DIXDC1: variants seen among roughly 807,000 people sequenced by gnomAD.
The protein encoded by DIXDC1 is dixin.
Under a neutral mutation model 103.1 loss-of-function variants are expected in DIXDC1, and 64 were observed. That is an observed-to-expected ratio of 0.62 (90% CI 0.51 to 0.76). The LOEUF (loss-of-function observed/expected upper bound fraction) is 0.76. Among genes scored for constraint, DIXDC1 ranks in the 30% least tolerant of loss-of-function variants. DIXDC1 has a pLI of 0.00. For missense variants in DIXDC1, 759 were observed against 834.2 expected (o/e 0.91, Z 1.11); for synonymous variants, 266 against 298.5 (o/e 0.89, Z 1.12).
chr11:111,945,460 G>A (rs183109913), intron 1 of DIXDC1, among the ~76,000 whole-genome samples: 4 of 152,294 alleles, frequency 2.6e-5, no homozygotes, highest in Non-Finnish European at 4.4e-5. Context: ...GCACAGAGGA[G>A]GGTTCTTAAA....
In DIXDC1 at chr11:112,019,683, T is replaced by G. The variant is rs756163422; in HGVS notation, c.*647T>G. 15 of 152,660 alleles carry G rather than the reference T, an allele frequency of 9.8e-5. No homozygotes were observed. Among genetic ancestry groups the G allele is most frequent in the Non-Finnish European group, 1.9e-4 (13 of 68,056 alleles). The allele number at this position is 152,660 out of a possible 1,614,324, so 9.5% of individuals were successfully genotyped here. On this transcript the variant is annotated 3_prime_UTR_variant, in exon 20 of 20. Coordinates refer to ENST00000440460, the MANE Select transcript of DIXDC1 (RefSeq NM_001037954.4). ...TTTAGTAAGACCTTGGGCTGCCTCT[T>G]CTGTCTTAACTGGTTCTGCAGCTTG... is the stretch of plus-strand genomic sequence containing the variant.
intron 2 of DIXDC1, among the ~76,000 whole-genome samples, chr11:111,931,775 C>T (rs587627156): frequency 1.3e-5 from 2 of 152,334 alleles, no homozygotes; most frequent in Non-Finnish European, 1.5e-5. Context: ...AGCTGGACAT[C>T]AGTTAGGAGT....
At chr11:111,975,441 T>C in intron 5 of DIXDC1, 2 of 1,010,262 alleles carry the variant, frequency 2.0e-6, no homozygotes, top group South Asian at 8.6e-5. Flanking sequence ...TTTCCAACTT[T>C]CCTCTACAGG....
intron 6 of DIXDC1, among the ~76,000 whole-genome samples, chr11:111,981,728 A>G (rs1026746676): frequency 6.6e-6 from 1 of 152,274 alleles, no homozygotes; most frequent in Non-Finnish European, 1.5e-5. Context: ...TCTAGAATGC[A>G]TTTTAAATGG....
intron 14 of DIXDC1, among the ~76,000 whole-genome samples, chr11:111,994,399 A>G (rs959254015): frequency 2.0e-4 from 30 of 150,466 alleles, no homozygotes; most frequent in African/African-American, 7.0e-4. Context: ...AACAAAACAT[A>G]CATATATATA....
chr11:111,931,503 C>T (rs587718772), intron 2 of DIXDC1, among the ~76,000 whole-genome samples: 23 of 152,056 alleles, frequency 1.5e-4, no homozygotes, highest in Admixed American at 3.9e-4. Context: ...ATTAGCTGGA[C>T]GTGGTGGCGG....
chr11:111,965,223 G>A (rs1415839228), intron 2 of DIXDC1, among the ~76,000 whole-genome samples: 1 of 152,110 alleles, frequency 6.6e-6, no homozygotes, highest in Non-Finnish European at 1.5e-5. Context: ...GTTGTTGACA[G>A]TCATTCTTAC....
chr11:111,977,313 G>A lies in DIXDC1; in HGVS notation c.656+2330G>A, dbSNP rs1592587028. The A allele has an allele frequency of 3.8e-6, 4 of 1,044,814 alleles. No homozygotes were observed. Among genetic ancestry groups the A allele is most frequent in the South Asian group, 3.1e-5 (1 of 32,024 alleles). The allele number at this position is 1,044,814 out of a possible 1,614,324, so 64.7% of individuals were successfully genotyped here. A position where few individuals can be genotyped will look rare whatever the true frequency, so the allele number is the denominator to read the frequency against. ...CAGAGGGTGGGGCGGGGAGGGATCC[G>A]GAAGGTGGCACGGAGTGGGATCGCC... On this transcript the variant is annotated intron_variant, in intron 5 of 19. Coordinates refer to ENST00000440460, the MANE Select transcript of DIXDC1 (RefSeq NM_001037954.4). This position sits in a 1 kb window ranked among gnomAD's most constrained non-coding sequence, Gnocchi z 6.1.
chr11:111,990,112 A>G (rs1421530667), intron 10 of DIXDC1, among the ~76,000 whole-genome samples: 3 of 137,118 alleles, frequency 2.2e-5, no homozygotes, highest in South Asian at 2.3e-4. Context: ...TAATGTTGAC[A>G]TGGAGTCTCA....
At chr11:111,950,440 T>A (rs10891302) in intron 1 of DIXDC1, among the ~76,000 whole-genome samples, 134 of 7,130 alleles carry the variant, frequency 0.019, no homozygotes, top group Middle Eastern at 0.062. Flanking sequence ...ATATATATAT[T>A]TTTTTTTTTT....
chr11:111,959,356 A>G (rs587730034), intron 1 of DIXDC1, among the ~76,000 whole-genome samples: 1 of 152,300 alleles, frequency 6.6e-6, no homozygotes, highest in African/African-American at 2.4e-5. Context: ...TCCAGGCGCC[A>G]CCACATTCCC....
At chr11:112,015,673 A>G (rs1861561687) in intron 17 of DIXDC1, 1 of 151,292 alleles carries the variant, frequency 6.6e-6, no homozygotes, top group Non-Finnish European at 1.5e-5. Flanking sequence ...GTGGTGGCAC[A>G]CACCTGTTAT....
At chr11:111,960,500 A>G (rs1258980044) in intron 1 of DIXDC1, among the ~76,000 whole-genome samples, 1 of 151,484 alleles carries the variant, frequency 6.6e-6, no homozygotes, top group Non-Finnish European at 1.5e-5. Flanking sequence ...AGGCTGAGGC[A>G]GGAGAATTGC....
Position 111,984,415 on chromosome 11 carries a change from C to T in DIXDC1, c.919-817C>T, listed in dbSNP as rs587689720. ...TACAAAAATTAGCCGGGTGTGGTGG[C>T]GCATGCCTCTAATCCCAGCTACTAG... is the stretch of plus-strand genomic sequence containing the variant. On this transcript the variant is annotated intron_variant, in intron 7 of 19. Coordinates refer to ENST00000440460, the MANE Select transcript of DIXDC1 (RefSeq NM_001037954.4). 5.3e-5 allele frequency among the ~76,000 whole-genome samples: 8 copies of T among 152,200 alleles called. No homozygotes were observed. In the East Asian group the frequency reaches 5.8e-4, roughly 11 times the overall value.
At chr11:112,004,090 G>T (rs947542797) in intron 17 of DIXDC1, among the ~76,000 whole-genome samples, 1 of 145,634 alleles carries the variant, frequency 6.9e-6, no homozygotes, top group Non-Finnish European at 1.5e-5. Context: ...GTGTATATGT[G>T]TATATATATG....
intron 2 of DIXDC1, among the ~76,000 whole-genome samples, chr11:111,967,937 G>A (rs992326125): frequency 6.6e-6 from 1 of 152,216 alleles, no homozygotes; most frequent in South Asian, 2.1e-4. Flanking sequence ...TGCTCTTGCT[G>A]TTCTTCAGGT....
chr11:112,004,087 T>TGC (rs1305779921), intron 17 of DIXDC1, among the ~76,000 whole-genome samples: 264 of 143,154 alleles, frequency 1.8e-3, no homozygotes, highest in African/African-American at 7.2e-3. Flanking sequence ...TGTGTGTATA[T>TGC]GTGTATATAT....
chr11:111,995,593 A>C (rs373129866), intron 16 of DIXDC1, 29 bp downstream of exon 16: 16 of 1,609,702 alleles, frequency 9.9e-6, no homozygotes, highest in Non-Finnish European at 1.3e-5. Context: ...TATCTCTCTT[A>C]GGCAAGCTCC....
rs782651273 is a variant in DIXDC1 at position 111,977,815 on chromosome 11, C to T, written c.656+2832C>T. ...AAATGGTGAGCTGAAGCCACTCTGG[C>T]TTTGGAAGTGGGGGGCCTGGGTGGG... On this transcript the variant is annotated intron_variant, in intron 5 of 19. Transcript: ENST00000440460. This position sits in a 1 kb window ranked among gnomAD's most constrained non-coding sequence, Gnocchi z 6.1. 3.2e-6 allele frequency: 5 copies of T among 1,550,688 alleles called. No homozygotes were observed. The highest frequency in any genetic ancestry group is 4.4e-6 in the Non-Finnish European group (5 of 1,147,822).
Sources: gnomAD v4.1 joint callset for allele counts (sites outside exome capture counted in the v4.1 genomes callset) on GRCh38, gnomAD v4.1.1 for gene constraint, Gnocchi (gnomAD v3.1) non-coding constraint, MANE v1.5 for transcripts, NCBI Gene and HGNC (gene_info 2026-07-23, HGNC 2026-07-21) for gene names.